RNPEP: variants seen among roughly 807,000 people sequenced by gnomAD.
RNPEP encodes aminopeptidase B.
A neutral mutation model predicts 70.1 loss-of-function variants in RNPEP; 57 were observed. The ratio of observed to expected loss-of-function variants is 0.81; its 90% CI spans 0.66 to 1.01. The LOEUF (loss-of-function observed/expected upper bound fraction) is 1.01, where lower values mean the gene tolerates loss of function less well. RNPEP is among the 50% of genes least tolerant of loss of function. The probability of loss-of-function intolerance (pLI) is 0.00; values close to 1 mark genes in which losing one functional copy is unlikely to be tolerated. For missense variants in RNPEP, 787 were observed against 852.4 expected, an observed-to-expected ratio of 0.92 and a Z score of 0.96; for synonymous variants, 335 against 357.4, an observed-to-expected ratio of 0.94 and a Z score of 0.71.
chr1:201,983,141 G>A, intron 1 of RNPEP, 28 bp downstream of exon 1: 2 of 1,435,910 alleles, frequency 1.4e-6, no homozygotes, highest in Non-Finnish European at 1.8e-6. Flanking sequence ...TGCGCCCGCC[G>A]CTGCCTGCCT....
rs1003248599 is a variant in RNPEP at position 201,996,195 on chromosome 1, G to A, written c.786G>A (p.Glu262=). The A allele has an allele frequency of 2.5e-6, 4 of 1,614,110 alleles. No homozygotes were observed. Among genetic ancestry groups the A allele is most frequent in the Non-Finnish European group, 3.4e-6 (4 of 1,180,052 alleles). Residue 262 remains glutamate, a synonymous_variant, in exon 4 of 11, where the codon GAG becomes GAA. Transcript: ENST00000295640. ...EPCLIDAAKE[E]YNGVIEEFLA... is the part of the protein sequence containing the mutation. Reference sequence around the variant, plus strand: ...GCCTGATTGATGCTGCCAAGGAGGAGTACAACGGGGTGATAGAAGAATTTT... The same window carrying A: ...GCCTGATTGATGCTGCCAAGGAGGAATACAACGGGGTGATAGAAGAATTTT...
At chr1:201,994,217 T>A (rs187533914) in intron 3 of RNPEP, among the ~76,000 whole-genome samples, 1 of 152,334 alleles carries the variant, frequency 6.6e-6, no homozygotes, top group East Asian at 1.9e-4. Context: ...CCTGTTCTTT[T>A]CTTCTACATG....
rs894415455 is a variant in RNPEP at position 202,004,567 on chromosome 1, G to T, written c.1794+71G>T. The T allele has an allele frequency of 1.0e-5, 16 of 1,571,194 alleles. 1 individual carries two copies. The highest frequency in any genetic ancestry group is 5.1e-5 in the Admixed American group (3 of 58,984). ...ACTCGGCCATATGTGAAGTAATCAT[G>T]TGGGCAGGGCTCATCTAGGACTCAT... On this transcript the variant is annotated intron_variant, in intron 10 of 10. Transcript: ENST00000295640.
chr1:202,003,499 C>T, intron 9 of RNPEP, 38 bp downstream of exon 9: 6 of 1,435,456 alleles, frequency 4.2e-6, no homozygotes, highest in Non-Finnish European at 5.9e-6. Context: ...CTTGTGTGCA[C>T]AGCTTTATGT....
At chr1:202,004,974 C>A (rs1402075514) in intron 10 of RNPEP, among the ~76,000 whole-genome samples, 1 of 152,178 alleles carries the variant, frequency 6.6e-6, no homozygotes, top group African/African-American at 2.4e-5. Context: ...TGAATGTCAT[C>A]AGATTCCGGA....
rs1683241189 is a variant in RNPEP, at chr1:201,989,364, A to G, written c.589-19A>G. The G allele has an allele frequency of 6.2e-7, 1 of 1,612,112 alleles. No homozygotes were observed. The highest frequency in any genetic ancestry group is 8.5e-7 in the Non-Finnish European group (1 of 1,179,262). On this transcript the variant is annotated intron_variant, in intron 2 of 10. Transcript: ENST00000295640. ...AAACTCTCTCCAGGTAAAATCTCCT[A>G]AGCTTTCTCTGTTGTCAGGTCCCAG...
Position 202,001,450 on chromosome 1 carries a change from T to G in RNPEP, c.1279T>G (p.Leu427Val). The change falls in exon 7 of 11, where the codon TTG becomes GTG. Residue 427 changes from leucine to valine, a missense_variant. Physicochemically the swap from Leu to Val is conservative, Grantham distance 32. Coordinates refer to ENST00000295640, the MANE Select transcript of RNPEP (RefSeq NM_020216.4). Reference sequence around the variant, plus strand: ...CTGCTTTGTTTCATACCTGGCCCACTTGGTGGGTGATCAGGATCAGTTTGA... The same window carrying G: ...CTGCTTTGTTTCATACCTGGCCCACGTGGTGGGTGATCAGGATCAGTTTGA... ...GFCFVSYLAH[L>V]VGDQDQFDSF... 1 of 1,613,608 alleles carries G rather than the reference T, an allele frequency of 6.2e-7. No individual in the cohort carries two copies.
In RNPEP at chr1:201,982,712, C is replaced by A; in HGVS notation, c.46C>A (p.Pro16Thr). The A allele has an allele frequency of 7.1e-7, 1 of 1,400,998 alleles. No homozygotes were observed. Among genetic ancestry groups the A allele is most frequent in the South Asian group, 1.6e-5 (1 of 64,040 alleles). The allele number at this position is 1,400,998 out of a possible 1,614,324, so 86.8% of individuals were successfully genotyped here. The change falls in exon 1 of 11, where the codon CCG becomes ACG. Residue 16 changes from proline (P) to threonine (T), a missense_variant. Transcript: ENST00000295640. Reference protein sequence around the residue: ...HSPGSGAARRPLHSAQAVDVA... With the variant: ...HSPGSGAARRTLHSAQAVDVA... ...CCCCGGCAGCGGCGCGGCCCGGCGG[C>A]CGCTGCACTCCGCGCAGGCTGTGGA...
In RNPEP at chr1:201,988,904, G is replaced by A. The variant is rs534404899; in HGVS notation, c.448G>A (p.Val150Ile). The change falls in exon 2 of 11, where the codon GTT (valine) becomes ATT (isoleucine). Residue 150 changes from valine (V) to isoleucine (I), a missense_variant and splice_region_variant. Val to Ile is a conservative substitution (Grantham distance 29, BLOSUM62 3). Coordinates refer to ENST00000295640, the MANE Select transcript of RNPEP (RefSeq NM_020216.4). ...CTGAAATGTTCTTCTTTTCGCTTAG[G>A]TTTGCTGGTTGGCTCCCGAGCAGAC... The part of the protein sequence containing the change: ...LTYRVGEGPG[V>I]CWLAPEQTAG... 1.9e-6 allele frequency: 3 copies of A among 1,609,934 alleles called. No homozygotes were observed. The highest frequency in any genetic ancestry group is 2.2e-5 in the South Asian group (2 of 90,462).
intron 1 of RNPEP, among the ~76,000 whole-genome samples, chr1:201,987,199 G>C (rs1683159552): frequency 6.6e-6 from 1 of 152,068 alleles, no homozygotes; most frequent in Admixed American, 6.6e-5. Flanking sequence ...GTCTCCTTGT[G>C]AATGTCTCCT....
Position 202,001,177 on chromosome 1 carries a change from AAG to A in RNPEP, c.1205-190_1205-189del, listed in dbSNP as rs1491456428. 25 of 580,794 alleles carry A rather than the reference AAG, an allele frequency of 4.3e-5. No homozygotes were observed. The African/African-American group carries it at 4.5e-4, about 10-fold the overall frequency. 36.0% of individuals were successfully genotyped at this position (580,794 alleles called of 1,614,324 possible). The stretch of plus-strand genomic sequence containing the variant: ...ATCTTGGCCTTGAGATAGAGATCTT[AAG>A]AGAGAGAGTCTTGGCCTTGAGAGAG... On this transcript the variant is annotated intron_variant, in intron 6 of 10. Coordinates refer to ENST00000295640, the MANE Select transcript of RNPEP (RefSeq NM_020216.4).
At chr1:201,986,989 A>C (rs1244849100) in intron 1 of RNPEP, among the ~76,000 whole-genome samples, 1 of 152,156 alleles carries the variant, frequency 6.6e-6, no homozygotes, top group Non-Finnish European at 1.5e-5. Context: ...ACTGCACTGT[A>C]CCTGTTATAA....
At chr1:201,983,503 A>T in intron 1 of RNPEP, 1 of 1,339,142 alleles carries the variant, frequency 7.5e-7, no homozygotes, top group South Asian at 1.2e-5. Context: ...GCCCTCTTGG[A>T]CTTTTGGGCC....
intron 8 of RNPEP, among the ~76,000 whole-genome samples, chr1:202,002,321 G>A (rs545028913): frequency 6.6e-6 from 1 of 152,010 alleles, no homozygotes. Flanking sequence ...GCGCCACCAC[G>A]CCCGGCTATT....
intron 4 of RNPEP, chr1:201,996,465 TTGTGTGTGTGTGTGTGTGTGTGTG>T (rs71281164): frequency 1.3e-5 from 3 of 233,040 alleles, no homozygotes; most frequent in South Asian, 1.0e-4. Flanking sequence ...ATGAGGTTCT[TTGTGTGTGTGTGTGTGTGTGTGTG>T]TGTGTGTGTG....
intron 1 of RNPEP, among the ~76,000 whole-genome samples, chr1:201,984,928 C>G (rs149638824): frequency 1.4e-5 from 2 of 146,350 alleles, no homozygotes; most frequent in Non-Finnish European, 3.0e-5. Context: ...TGTGGTGGCT[C>G]ACATCTGTAA....
At chr1:201,988,353 G>A (rs7535320) in intron 1 of RNPEP, among the ~76,000 whole-genome samples, 36,547 of 150,184 alleles carry the variant, frequency 0.24, 5,054 homozygotes, top group Non-Finnish European at 0.31. Flanking sequence ...AGCTACTTGG[G>A]AGGCTGAGGC....
At chr1:201,991,993 G>C (rs1683353241) in intron 3 of RNPEP, among the ~76,000 whole-genome samples, 1 of 151,886 alleles carries the variant, frequency 6.6e-6, no homozygotes, top group Non-Finnish European at 1.5e-5. Context: ...CAGGGTTGAG[G>C]GTGGCTGCAG....
At chr1:201,995,074 ATT>A (rs1334398481) in intron 3 of RNPEP, among the ~76,000 whole-genome samples, 6 of 149,284 alleles carry the variant, frequency 4.0e-5, no homozygotes, top group Non-Finnish European at 8.9e-5. Flanking sequence ...CCCTGAGTCC[ATT>A]GCATCTTTCC....
Sources: allele counts gnomAD v4.1 joint callset (sites outside exome capture counted in the v4.1 genomes callset), GRCh38; gene constraint gnomAD v4.1.1; transcripts MANE v1.5; gene names NCBI Gene and HGNC (gene_info 2026-07-23, HGNC 2026-07-21).